The following IPMK variants were observed in gnomAD, a reference collection of about 807,000 sequenced individuals.
IPMK encodes inositol polyphosphate multikinase.
In IPMK, 17 loss-of-function variants were observed where a neutral mutation model predicts 45.8. The observed-to-expected ratio is 0.37, with a 90% confidence interval of 0.25 to 0.56. The LOEUF (loss-of-function observed/expected upper bound fraction) is 0.56. IPMK is among the 20% of genes least tolerant of loss of function. The pLI, the probability that IPMK is intolerant of heterozygous loss-of-function variation, is 0.79. For synonymous variants in IPMK, 180 were observed against 184.3 expected (o/e 0.98, Z 0.19); for missense variants, 399 against 498.0 (o/e 0.80, Z 1.89).
chr10:58,253,311 T>A (rs1390250490), intron 1 of IPMK, among the ~76,000 whole-genome samples: 3 of 152,218 alleles, frequency 2.0e-5, no homozygotes, highest in African/African-American at 4.8e-5. Context: ...GTGTCGGGTA[T>A]GTCTTTATTA....
chr10:58,245,727 C>T (rs1269818663), intron 1 of IPMK, among the ~76,000 whole-genome samples: 1 of 151,650 alleles, frequency 6.6e-6, no homozygotes, highest in Admixed American at 6.6e-5. Context: ...GGAAGCATTC[C>T]CTTTGAAAAC....
chr10:58,238,857 T>C (rs1237521187), intron 1 of IPMK, among the ~76,000 whole-genome samples: 2 of 152,062 alleles, frequency 1.3e-5, no homozygotes, highest in African/African-American at 4.8e-5. Context: ...TGTTTTTTTT[T>C]AATCTTAAGA....
At chr10:58,214,576 C>T (rs1482875714) in intron 4 of IPMK, among the ~76,000 whole-genome samples, 1 of 152,154 alleles carries the variant, frequency 6.6e-6, no homozygotes. Flanking sequence ...ACTGCTTGAA[C>T]AATTTCTCTG....
At chr10:58,230,564 C>T (rs11006087) in intron 2 of IPMK, among the ~76,000 whole-genome samples, 6,417 of 152,316 alleles carry the variant, frequency 0.042, 179 homozygotes, top group East Asian at 0.14. Flanking sequence ...CAAACTCCAA[C>T]AGACCTGGAG....
chr10:58,222,869 A>G (rs1029345704), intron 3 of IPMK, among the ~76,000 whole-genome samples: 1 of 152,178 alleles, frequency 6.6e-6, no homozygotes, highest in Admixed American at 6.5e-5. Context: ...TGATAGTATG[A>G]GATTATATTA....
intron 1 of IPMK, among the ~76,000 whole-genome samples, chr10:58,262,887 C>T (rs1839095873): frequency 6.6e-6 from 1 of 151,834 alleles, no homozygotes; most frequent in Non-Finnish European, 1.5e-5. Flanking sequence ...AGAGCTATTT[C>T]TTGGAATGCT....
Position 58,204,904 on chromosome 10 carries a change from T to C in IPMK, c.547-5583A>G, listed in dbSNP as rs143427729. On this transcript the variant is annotated intron_variant, in intron 4 of 5. Transcript: ENST00000373935. Reference sequence around the variant, plus strand: ...AACAGTGTAGTACTTGGCATAAGGATAGACAATATGAAAATGGAAAACATT... The same window carrying C: ...AACAGTGTAGTACTTGGCATAAGGACAGACAATATGAAAATGGAAAACATT... 2.0e-5 allele frequency among the ~76,000 whole-genome samples: 3 copies of C among 152,122 alleles called. 1 individual carries two copies. The highest frequency in any genetic ancestry group is 1.5e-5 in the Non-Finnish European group (1 of 67,996).
intron 3 of IPMK, among the ~76,000 whole-genome samples, chr10:58,221,810 G>A (rs1017709773): frequency 1.2e-4 from 18 of 151,302 alleles, no homozygotes; most frequent in Admixed American, 1.1e-3. Flanking sequence ...GTGCAGTGGT[G>A]TGATCTTGGC....
chr10:58,253,597 G>T (rs1016614948), intron 1 of IPMK, among the ~76,000 whole-genome samples: 2 of 151,844 alleles, frequency 1.3e-5, no homozygotes, highest in East Asian at 3.9e-4. Flanking sequence ...AATTAGCTGG[G>T]CATGGTGGCA....
At chr10:58,209,131 G>A (rs1453512043) in intron 4 of IPMK, among the ~76,000 whole-genome samples, 1 of 152,150 alleles carries the variant, frequency 6.6e-6, no homozygotes, top group Non-Finnish European at 1.5e-5. Flanking sequence ...GCCTGAATCT[G>A]GGGGGTGCTC....
intron 3 of IPMK, among the ~76,000 whole-genome samples, chr10:58,225,879 G>A (rs1838407354): frequency 6.6e-6 from 1 of 152,078 alleles, no homozygotes; most frequent in African/African-American, 2.4e-5. Flanking sequence ...AGATTATATA[G>A]GGAATGATGA....
chr10:58,263,708 T>C (rs1423562996), intron 1 of IPMK, among the ~76,000 whole-genome samples: 1 of 151,972 alleles, frequency 6.6e-6, no homozygotes, highest in Non-Finnish European at 1.5e-5. Context: ...CAAAACGATA[T>C]ACTGAAGAAG....
At chr10:58,236,146 A>G (rs182420520) in intron 2 of IPMK, among the ~76,000 whole-genome samples, 4 of 151,346 alleles carry the variant, frequency 2.6e-5, no homozygotes, top group African/African-American at 9.7e-5. Context: ...GACCAGGCTG[A>G]TCTTGAACTC....
At chr10:58,199,807 A>G (rs1488079792) in intron 4 of IPMK, among the ~76,000 whole-genome samples, 5 of 152,176 alleles carry the variant, frequency 3.3e-5, no homozygotes, top group Non-Finnish European at 7.3e-5. Flanking sequence ...GTACACTGGA[A>G]AATAAAATTA....
chr10:58,218,117 G>A (rs916700325), intron 3 of IPMK, among the ~76,000 whole-genome samples: 2 of 152,206 alleles, frequency 1.3e-5, no homozygotes, highest in African/African-American at 4.8e-5. Flanking sequence ...AGAACTAAGT[G>A]AAGTTAAGCC....
At chr10:58,202,888 G>A (rs950746334) in intron 4 of IPMK, among the ~76,000 whole-genome samples, 3 of 152,164 alleles carry the variant, frequency 2.0e-5, no homozygotes, top group Admixed American at 2.0e-4. Context: ...TTTCATGCCT[G>A]CTAATAACAT....
At chr10:58,197,300 AAAATAAAT>A (rs200761885) in intron 5 of IPMK, among the ~76,000 whole-genome samples, 20 of 83,316 alleles carry the variant, frequency 2.4e-4, no homozygotes, top group East Asian at 1.1e-3. Flanking sequence ...CTCCGTCTCA[AAAATAAAT>A]AAATAAATAA....
intron 1 of IPMK, among the ~76,000 whole-genome samples, chr10:58,243,009 G>C (rs905933013): frequency 6.6e-6 from 1 of 152,050 alleles, no homozygotes; most frequent in African/African-American, 2.4e-5. Context: ...AAAATTTCCT[G>C]AGGCCTCCCC....
intron 1 of IPMK, among the ~76,000 whole-genome samples, chr10:58,251,470 C>A (rs898906933): frequency 1.4e-4 from 18 of 132,242 alleles, no homozygotes; most frequent in African/African-American, 6.5e-4. Context: ...CTGTTTACTG[C>A]AATATTCTGT....
Sources: gnomAD v4.1 joint callset for allele counts (sites outside exome capture counted in the v4.1 genomes callset) on GRCh38, gnomAD v4.1.1 for gene constraint, MANE v1.5 for transcripts, NCBI Gene and HGNC (gene_info 2026-07-23, HGNC 2026-07-21) for gene names.